Variants in CPOX observed in about 807,000 individuals in gnomAD.
CPOX encodes the protein oxygen-dependent coproporphyrinogen-III oxidase, mitochondrial.
A neutral mutation model predicts 48.9 loss-of-function variants in CPOX; 24 were observed. That is an observed-to-expected ratio of 0.49 (90% CI 0.36 to 0.69). CPOX has a LOEUF of 0.69. Among genes scored for constraint, CPOX ranks in the 30% least tolerant of loss-of-function variants. The pLI is 0.00. For synonymous variants in CPOX, 249 were observed against 234.6 expected (o/e 1.06, Z -0.56); for missense variants, 549 against 597.3 (o/e 0.92, Z 0.84).
Position 98,580,608 on chromosome 3 carries a change from G to A in CPOX, c.*75C>T, listed in dbSNP as rs556502606. On this transcript the variant is annotated 3_prime_UTR_variant, in exon 7 of 7. Transcript: ENST00000647941. ...AGGCACGGGTAACTGCCACACAGTGGCAAAGTGCCGACCAGTGGCATGGGG... is the reference window on the plus strand; with the variant it reads ...AGGCACGGGTAACTGCCACACAGTGACAAAGTGCCGACCAGTGGCATGGGG... 1 of 1,608,228 alleles carries A rather than the reference G, an allele frequency of 6.2e-7. No individual in the cohort carries two copies. The highest frequency in any genetic ancestry group is 1.1e-5 in the South Asian group (1 of 90,506).
the CPOX span, among the ~76,000 whole-genome samples, chr3:98,570,662 T>C: frequency 2.0e-5 from 3 of 152,220 alleles, no homozygotes; most frequent in African/African-American, 4.8e-5. Flanking sequence ...GCTTAAAAGA[T>C]TTTAATTAAA....
At chr3:98,592,834 G>T in intron 1 of CPOX, 115 bp downstream of exon 1, 1 of 1,178,718 alleles carries the variant, frequency 8.5e-7, no homozygotes, top group Non-Finnish European at 1.2e-6. Context: ...GCCTCTCTGT[G>T]GGTACCCCCT....
At position 98,588,739 on chromosome 3, in the gene CPOX, T is replaced by A; in HGVS notation, c.927A>T (p.Pro309=). ...TLKEACDQHG[P]DLYPKFKKWC... is the part of the protein sequence containing the mutation. ...ATTTTTTAAATTTGGGGTAGAGATCTGGACCATGCTGGTCACAAGCCTCCT... is the reference window on the plus strand; with the variant it reads ...ATTTTTTAAATTTGGGGTAGAGATCAGGACCATGCTGGTCACAAGCCTCCT... The change falls in exon 4 of 7, where the codon CCA becomes CCT. Residue 309 remains proline, a synonymous_variant. Coordinates refer to ENST00000647941, the MANE Select transcript of CPOX (RefSeq NM_000097.7). The A allele has an allele frequency of 1.9e-6, 3 of 1,614,218 alleles. No homozygotes were observed. The highest frequency in any genetic ancestry group is 2.5e-6 in the Non-Finnish European group (3 of 1,180,038).
At position 98,580,766 on chromosome 3, in the gene CPOX, C is replaced by G. The variant is rs1359592678; in HGVS notation, c.1282G>C (p.Glu428Gln). The change falls in exon 7 of 7, where the codon GAG (glutamate) becomes CAG (glutamine). Residue 428 changes from glutamate to glutamine, a missense_variant. Physicochemically the swap from Glu to Gln is conservative, Grantham distance 29. This residue lies in a region of CPOX where 213 missense variants were observed against 279.1 expected (regional missense o/e 0.76). Transcript: ENST00000647941. ...TTCTCTGAGGGTGAATGCATGTACT[C>G]CCATCTATGCATGTCCAAAACAAAA... ...LMSLPLTARW[E>Q]YMHSPSENSK... 4.3e-6 allele frequency: 7 copies of G among 1,613,880 alleles called. No individual in the cohort carries two copies. Among genetic ancestry groups the G allele is most frequent in the African/African-American group, 1.3e-5 (1 of 74,904 alleles).
chr3:98,571,050 A>T, the CPOX span, among the ~76,000 whole-genome samples: 1 of 152,224 alleles, frequency 6.6e-6, no homozygotes, highest in African/African-American at 2.4e-5. Flanking sequence ...TATACACATA[A>T]CATGAGTCTA....
chr3:98,579,456 T>C lies in CPOX; in HGVS notation c.*1227A>G. 1.3e-6 allele frequency: 1 copy of C among 763,948 alleles called. No individual in the cohort carries two copies. Among genetic ancestry groups the C allele is most frequent in the Non-Finnish European group, 1.6e-6 (1 of 628,668 alleles). The allele number at this position is 763,948 out of a possible 1,614,324, so 47.3% of individuals were successfully genotyped here. A position where few individuals can be genotyped will look rare whatever the true frequency, so the allele number is the denominator to read the frequency against. On this transcript the variant is annotated 3_prime_UTR_variant, in exon 7 of 7. Transcript: ENST00000647941. ...AAATATAAATATTTCTTAGTCTTAT[T>C]TAATAATAAAATTTATTAGCAGATC...
the CPOX span, among the ~76,000 whole-genome samples, chr3:98,574,171 T>C: frequency 3.3e-5 from 5 of 152,216 alleles, no homozygotes; most frequent in African/African-American, 1.2e-4. Flanking sequence ...ACTGCTCTTC[T>C]CGTTTTTGTT....
downstream of CPOX, among the ~76,000 whole-genome samples, chr3:98,578,658 C>T (rs903388528): frequency 6.6e-6 from 1 of 152,162 alleles, no homozygotes; most frequent in Non-Finnish European, 1.5e-5. Context: ...TAAAGCTTTG[C>T]TTTTTCTAGG....
At chr3:98,587,466 G>A (rs1707385575) in intron 4 of CPOX, among the ~76,000 whole-genome samples, 1 of 149,354 alleles carries the variant, frequency 6.7e-6, no homozygotes, top group Non-Finnish European at 1.5e-5. Flanking sequence ...CCAAGGTTGA[G>A]GGGCTTCATC....
At chr3:98,590,772 TA>T (rs1454110086) in intron 2 of CPOX, 30 bp from the exon 3 acceptor site, 1 of 1,489,108 alleles carries the variant, frequency 6.7e-7, no homozygotes, top group African/African-American at 1.4e-5. Context: ...TCATGAGCTA[TA>T]TTCAGTTACC....
the CPOX span, among the ~76,000 whole-genome samples, chr3:98,571,276 C>A: frequency 6.6e-6 from 1 of 152,150 alleles, no homozygotes; most frequent in Non-Finnish European, 1.5e-5. Flanking sequence ...TTGTTTCTGC[C>A]TGCTAATTTC....
chr3:98,576,130 A>C (rs1707160003), downstream of CPOX, among the ~76,000 whole-genome samples: 1 of 149,280 alleles, frequency 6.7e-6, no homozygotes, highest in African/African-American at 2.5e-5. Context: ...TGAGTGCATT[A>C]TTCTGTTTTC....
chr3:98,580,179 T>C lies in CPOX; in HGVS notation c.*504A>G. 1 of 986,162 alleles carries C rather than the reference T, an allele frequency of 1.0e-6. No homozygotes were observed. Among genetic ancestry groups the C allele is most frequent in the Non-Finnish European group, 1.2e-6 (1 of 829,550 alleles). The allele number at this position is 986,162 out of a possible 1,614,324, so 61.1% of individuals were successfully genotyped here. A position where few individuals can be genotyped will look rare whatever the true frequency, so the allele number is the denominator to read the frequency against. On this transcript the variant is annotated 3_prime_UTR_variant, in exon 7 of 7. Coordinates refer to ENST00000647941, the MANE Select transcript of CPOX (RefSeq NM_000097.7). ...CAATATTATGTTCTCTGGAGAAAGATATATAAGGATTACAGCAGAGACTTC... is the reference window on the plus strand; with the variant it reads ...CAATATTATGTTCTCTGGAGAAAGACATATAAGGATTACAGCAGAGACTTC...
At chr3:98,571,751 T>C in the CPOX span, among the ~76,000 whole-genome samples, 5 of 151,536 alleles carry the variant, frequency 3.3e-5, no homozygotes, top group South Asian at 2.1e-4. Flanking sequence ...TAGGGTGTAG[T>C]AGGTATTGTT....
In CPOX at chr3:98,593,494, T is replaced by G. The variant is rs1358667993; in HGVS notation, c.11A>C (p.Gln4Pro). The G allele has an allele frequency of 6.6e-7, 1 of 1,520,306 alleles. No homozygotes were observed. Among genetic ancestry groups the G allele is most frequent in the Non-Finnish European group, 8.8e-7 (1 of 1,140,648 alleles). The allele number at this position is 1,520,306 out of a possible 1,614,324, so 94.2% of individuals were successfully genotyped here. The change falls in exon 1 of 7, where the codon CAG becomes CCG. Residue 4 changes from glutamine (Q) to proline (P), a missense_variant. Gln to Pro is a moderately conservative substitution (Grantham distance 76, BLOSUM62 -1). Transcript: ENST00000647941. Reference sequence around the variant, plus strand: ...GGGGCCCGAGCTCAGCCTGCCCAGCTGCAAGGCCATGTTCCCGCACTATCA... The same window carrying G: ...GGGGCCCGAGCTCAGCCTGCCCAGCGGCAAGGCCATGTTCCCGCACTATCA... MAL[Q>P]LGRLSSGPCW...
intron 4 of CPOX, among the ~76,000 whole-genome samples, chr3:98,586,673 G>A (rs1026013093): frequency 5.9e-5 from 9 of 152,084 alleles, no homozygotes; most frequent in Non-Finnish European, 1.2e-4. Context: ...GGCCGGACGC[G>A]GTGGCTGACG....
chr3:98,585,726 G>C (rs1707349880), intron 4 of CPOX, 67 bp from the exon 5 acceptor site: 1 of 1,267,228 alleles, frequency 7.9e-7, no homozygotes, highest in Non-Finnish European at 1.2e-6. Flanking sequence ...ATCAATGTGA[G>C]CCTTTCAGGT....
chr3:98,575,087 CATAG>C (rs1263579068), downstream of CPOX, among the ~76,000 whole-genome samples: 1 of 152,142 alleles, frequency 6.6e-6, no homozygotes, highest in African/African-American at 2.4e-5. Flanking sequence ...CCGATCTGAG[CATAG>C]ATAAATTGCT....
chr3:98,585,619 G>A lies in CPOX; in HGVS notation c.994C>T (p.Arg332Trp), dbSNP rs1707347732. The change falls in exon 5 of 7, where the codon CGG (arginine) becomes TGG (tryptophan). Residue 332 changes from arginine (R) to tryptophan (W), a missense_variant. Transcript: ENST00000647941. ...YFFIAHRGER[R>W]GIGGIFFDDL... ...TCAAAAAAGATACCACCAATGCCCC[G>A]CCGTTCTCCACGATGGGCTATAAAG... 1.9e-6 allele frequency: 3 copies of A among 1,613,930 alleles called. No homozygotes were observed. The highest frequency in any genetic ancestry group is 2.5e-6 in the Non-Finnish European group (3 of 1,179,956).
Sources: gnomAD v4.1 joint callset for allele counts (sites outside exome capture counted in the v4.1 genomes callset) on GRCh38, gnomAD v4.1.1 for gene constraint, gnomAD v4.1.1 regional missense constraint, MANE v1.5 for transcripts, NCBI Gene and HGNC (gene_info 2026-07-23, HGNC 2026-07-21) for gene names.